EGLN3: variants seen among roughly 807,000 people sequenced by gnomAD.
EGLN3 encodes egl-9 family hypoxia inducible factor 3.
A neutral mutation model predicts 26.0 loss-of-function variants in EGLN3; 15 were observed. That is an observed-to-expected ratio of 0.58 (90% confidence interval 0.39 to 0.89). EGLN3 has a LOEUF of 0.89. EGLN3 is among the 40% of genes least tolerant of loss of function. The pLI is 0.00. For synonymous variants in EGLN3, 147 were observed against 127.2 expected (o/e 1.16, Z -1.05); for missense variants, 238 against 311.6 (o/e 0.76, Z 1.78).
chr14:33,926,922 A>T (rs759883449), intron 4 of EGLN3, 38 bp downstream of exon 4: 28 of 1,474,794 alleles, frequency 1.9e-5, no homozygotes, highest in Non-Finnish European at 2.3e-5. Context: ...TCAAGGATTA[A>T]CTTGATCAAA....
chr14:33,931,216 C>G lies in EGLN3; in HGVS notation c.358-1G>C. The G allele has an allele frequency of 6.2e-7, 1 of 1,614,154 alleles. No individual in the cohort carries two copies. On this transcript the variant is annotated splice_acceptor_variant, in intron 1 of 4. Transcript: ENST00000250457. LOFTEE classifies it high-confidence loss of function. ...TTCCCGGATAGCAAGCCACCATTGC[C>G]TATGGAGAAATCCCAAGAAAGCTGG...
chr14:33,935,480 T>C (rs891945472), intron 1 of EGLN3, among the ~76,000 whole-genome samples: 1 of 152,072 alleles, frequency 6.6e-6, no homozygotes, highest in African/African-American at 2.4e-5. Flanking sequence ...TTATTTTCAA[T>C]GAGAGCAAAT....
intron 1 of EGLN3, 154 bp downstream of exon 1, chr14:33,950,242 G>A: frequency 1.4e-6 from 1 of 724,144 alleles, no homozygotes; most frequent in South Asian, 1.6e-5. Flanking sequence ...TGGGGCGAGG[G>A]GTGGGGGGAA....
chr14:33,929,594 C>T (rs191276525), intron 2 of EGLN3, among the ~76,000 whole-genome samples: 11 of 152,280 alleles, frequency 7.2e-5, no homozygotes, highest in African/African-American at 1.9e-4. Flanking sequence ...TCAGGTGATC[C>T]GCCCACTAGG....
chr14:33,941,579 T>C (rs1267415946), intron 1 of EGLN3, among the ~76,000 whole-genome samples: 4 of 150,754 alleles, frequency 2.7e-5, no homozygotes, highest in Non-Finnish European at 5.9e-5. Flanking sequence ...TCTAGCTTTT[T>C]TTTTAACATT....
chr14:33,928,981 T>C, intron 3 of EGLN3, 95 bp downstream of exon 3: 1 of 1,465,848 alleles, frequency 6.8e-7, no homozygotes, highest in Non-Finnish European at 9.2e-7. Context: ...GTGTGGTCAA[T>C]CCCCCACATG....
At chr14:33,945,751 C>A (rs1364074820) in intron 1 of EGLN3, among the ~76,000 whole-genome samples, 1 of 152,176 alleles carries the variant, frequency 6.6e-6, no homozygotes, top group Non-Finnish European at 1.5e-5. Context: ...GCACTTGGAT[C>A]CTGCGAGATC....
At chr14:33,944,927 G>T (rs867296335) in intron 1 of EGLN3, among the ~76,000 whole-genome samples, 8 of 152,164 alleles carry the variant, frequency 5.3e-5, no homozygotes, top group African/African-American at 1.9e-4. Flanking sequence ...TTGAGCAAAA[G>T]AAATTACAAA....
At chr14:33,926,325 A>G (rs772971994) in intron 4 of EGLN3, among the ~76,000 whole-genome samples, 4 of 152,208 alleles carry the variant, frequency 2.6e-5, no homozygotes, top group Admixed American at 2.0e-4. Context: ...GCAATATTAT[A>G]TATGTTTCCT....
chr14:33,942,045 G>T (rs1166053196), intron 1 of EGLN3, among the ~76,000 whole-genome samples: 1 of 152,130 alleles, frequency 6.6e-6, no homozygotes, highest in Non-Finnish European at 1.5e-5. Context: ...AGTAGATAAT[G>T]AAGAAGGAGC....
chr14:33,926,928 T>C, intron 4 of EGLN3, 32 bp downstream of exon 4: 1 of 1,525,498 alleles, frequency 6.6e-7, no homozygotes, highest in Non-Finnish European at 9.0e-7. Context: ...ATTAACTTGA[T>C]CAAAAGTCAC....
intron 1 of EGLN3, among the ~76,000 whole-genome samples, chr14:33,940,944 G>C (rs1035842151): frequency 4.6e-5 from 7 of 152,162 alleles, no homozygotes; most frequent in African/African-American, 1.7e-4. Flanking sequence ...CGCTGGGGTT[G>C]AATGTCGGTG....
intron 1 of EGLN3, among the ~76,000 whole-genome samples, chr14:33,935,802 A>G (rs2064437965): frequency 6.6e-6 from 1 of 152,036 alleles, no homozygotes; most frequent in Non-Finnish European, 1.5e-5. Flanking sequence ...CCACATTCCA[A>G]TTGCATCCTG....
chr14:33,950,805 C>CCAA lies in EGLN3; in HGVS notation c.-54_-53insTTG. The CCAA allele has an allele frequency of 8.1e-7, 1 of 1,232,092 alleles. No homozygotes were observed. The highest frequency in any genetic ancestry group is 1.0e-6 in the Non-Finnish European group (1 of 955,998). 76.3% of individuals were successfully genotyped at this position (1,232,092 alleles called of 1,614,324 possible). A position where few individuals can be genotyped will look rare whatever the true frequency, so the allele number is the denominator to read the frequency against. ...CCCCAGCGTGCAACCAGAGAGGGAA[C>CCAA]GATCTACACGAGCGCGAAGCCGAGG... On this transcript the variant is annotated 5_prime_UTR_variant, in exon 1 of 5. Coordinates refer to ENST00000250457, the MANE Select transcript of EGLN3 (RefSeq NM_022073.4).
Position 33,925,606 on chromosome 14 carries a change from T to C in EGLN3, c.*285A>G. The stretch of plus-strand genomic sequence containing the variant: ...TCGCTGTGCTCCTAGGCTCTTCTCT[T>C]GATAGTATTACCGAATCTATCAGGT... On this transcript the variant is annotated 3_prime_UTR_variant, in exon 5 of 5. Coordinates refer to ENST00000250457, the MANE Select transcript of EGLN3 (RefSeq NM_022073.4). 1 of 434,920 alleles carries C rather than the reference T, an allele frequency of 2.3e-6. No homozygotes were observed. Among genetic ancestry groups the C allele is most frequent in the Non-Finnish European group, 4.2e-6 (1 of 238,634 alleles). The allele number at this position is 434,920 out of a possible 1,614,324, so 26.9% of individuals were successfully genotyped here. A position where few individuals can be genotyped will look rare whatever the true frequency, so the allele number is the denominator to read the frequency against.
Position 33,950,387 on chromosome 14 carries a change from G to A in EGLN3, c.357+9C>T. On this transcript the variant is annotated intron_variant, in intron 1 of 4. Transcript: ENST00000250457. ...GAGCAGCTGCGGCAGGGCGCCGAGC[G>A]CGTCCTACCTTAGACCTCTCCTTGA... 1 of 1,612,296 alleles carries A rather than the reference G, an allele frequency of 6.2e-7. No individual in the cohort carries two copies. Among genetic ancestry groups the A allele is most frequent in the Non-Finnish European group, 8.5e-7 (1 of 1,179,434 alleles).
intron 1 of EGLN3, among the ~76,000 whole-genome samples, chr14:33,934,779 A>G (rs1769612): frequency 0.92 from 140,263 of 152,286 alleles, 64,972 homozygotes; most frequent in Non-Finnish European, 0.97. Context: ...AGACAGATTC[A>G]CTAGTATGAC....
At chr14:33,932,821 G>T (rs2064413897) in intron 1 of EGLN3, among the ~76,000 whole-genome samples, 1 of 152,122 alleles carries the variant, frequency 6.6e-6, no homozygotes, top group Non-Finnish European at 1.5e-5. Flanking sequence ...CTTGAGGAAG[G>T]GTGATTGGTA....
chr14:33,931,316 C>G (rs949196265), intron 1 of EGLN3, 101 bp from the exon 2 acceptor site: 1 of 1,545,292 alleles, frequency 6.5e-7, no homozygotes, highest in Admixed American at 1.9e-5. Context: ...TTGGGTGTTA[C>G]GTGACATTTA....
Sources: gnomAD v4.1 joint callset for allele counts (sites outside exome capture counted in the v4.1 genomes callset) on GRCh38, gnomAD v4.1.1 for gene constraint, MANE v1.5 for transcripts, NCBI Gene and HGNC (gene_info 2026-07-23, HGNC 2026-07-21) for gene names.